The following YPEL3 variants were observed in gnomAD, a reference collection of about 807,000 sequenced individuals.
The protein encoded by YPEL3 is yippee like 3.
A neutral mutation model predicts 17.5 loss-of-function variants in YPEL3; 5 were observed. That is an observed-to-expected ratio of 0.29 (90% CI 0.15 to 0.60). The LOEUF (loss-of-function observed/expected upper bound fraction) is 0.60, where lower values mean the gene tolerates loss of function less well. Among genes scored for constraint, YPEL3 ranks in the 20% least tolerant of loss-of-function variants. YPEL3 has a pLI of 0.87. For synonymous variants in YPEL3, 87 were observed against 87.2 expected (o/e 1.00, Z 0.01); for missense variants, 155 against 211.4 (o/e 0.73, Z 1.65).
chr16:30,095,025 G>T lies in YPEL3; in HGVS notation c.275+78C>A. 6.2e-7 allele frequency: 1 copy of T among 1,605,390 alleles called. No homozygotes were observed. The highest frequency in any genetic ancestry group is 1.1e-5 in the South Asian group (1 of 90,750). On this transcript the variant is annotated intron_variant, in intron 2 of 3. Coordinates refer to ENST00000398841, the MANE Select transcript of YPEL3 (RefSeq NM_031477.5). The surrounding 1 kb of genome is among the most constrained non-coding windows in gnomAD (Gnocchi z 5.4). The stretch of plus-strand genomic sequence containing the variant: ...TTTCCTGCCTGCACCGGGGAACTCT[G>T]GGAGTCTCAGCAGGATGCCAGGGGT...
At position 30,094,819 on chromosome 16, in the gene YPEL3, C is replaced by G; in HGVS notation, c.354G>C (p.Glu118Asp). Residue 118 changes from glutamate (E) to aspartate (D), a missense_variant, in exon 3 of 4, where the codon GAG (glutamate) becomes GAC (aspartate). Physicochemically the swap from Glu to Asp is conservative, Grantham distance 45. This residue lies in a region of YPEL3 where 74 missense variants were observed against 134.9 expected (regional missense o/e 0.55). Coordinates refer to ENST00000398841, the MANE Select transcript of YPEL3 (RefSeq NM_031477.5). ...TCCAGCCCAAAGTGGTCTTGCAGTT[C>G]TCGCAGTGGATGTCGGCGACAGCAT... The part of the protein sequence containing the change: ...GLHAVADIHC[E>D]NCKTTLGWKY... 1 of 1,614,166 alleles carries G rather than the reference C, an allele frequency of 6.2e-7. No individual in the cohort carries two copies. Among genetic ancestry groups the G allele is most frequent in the East Asian group, 2.2e-5 (1 of 44,886 alleles).
At position 30,095,082 on chromosome 16, in the gene YPEL3, G is replaced by A; in HGVS notation, c.275+21C>T. 6.2e-7 allele frequency: 1 copy of A among 1,614,042 alleles called. No individual in the cohort carries two copies. The highest frequency in any genetic ancestry group is 8.5e-7 in the Non-Finnish European group (1 of 1,179,994). Reference sequence around the variant, plus strand: ...TCACAACAGAGGTCAGGGAAAGCAAGAAGGGAGGCCAGATACTCACACTGA... The same window carrying A: ...TCACAACAGAGGTCAGGGAAAGCAAAAAGGGAGGCCAGATACTCACACTGA... On this transcript the variant is annotated intron_variant, in intron 2 of 3. Transcript: ENST00000398841. This position sits in a 1 kb window ranked among gnomAD's most constrained non-coding sequence, Gnocchi z 5.4.
Position 30,095,325 on chromosome 16 carries a change from T to A in YPEL3, c.158A>T (p.Asp53Val). 1 of 1,614,164 alleles carries A rather than the reference T, an allele frequency of 6.2e-7. No individual in the cohort carries two copies. The highest frequency in any genetic ancestry group is 8.5e-7 in the Non-Finnish European group (1 of 1,180,018). ...ACAGCTATACCTCCGGTGACAATCA[T>A]CCAAGTAGGCCTGAAACGTCTTGGG... ...SKPKTFQAYL[D>V]DCHRRYSCAH... The change falls in exon 1 of 4, where the codon GAT (aspartate) becomes GTT (valine). Residue 53 changes from aspartate to valine, a missense_variant. Asp to Val is a radical substitution (Grantham distance 152, BLOSUM62 -3). This residue lies in a region of YPEL3 where 74 missense variants were observed against 134.9 expected (regional missense o/e 0.55). Coordinates refer to ENST00000398841, the MANE Select transcript of YPEL3 (RefSeq NM_031477.5). The surrounding 1 kb of genome is among the most constrained non-coding windows in gnomAD (Gnocchi z 5.4).
rs2072778290 is a variant in YPEL3 at position 30,095,128 on chromosome 16, CCT to C, written c.248_249del (p.Gln83ArgfsTer46). The stretch of plus-strand genomic sequence containing the variant: ...ACTGAGTTGAAGAGGTAGGCACGCC[CCT>C]GACTGCCCTGGAAGGACTAAAGGGT... The part of the protein sequence containing the change: ...DLISKSFQGS[Q>X]GRAYLFNSVV... On this transcript the variant is annotated frameshift_variant, in exon 2 of 4. Transcript: ENST00000398841. LOFTEE classifies it high-confidence loss of function. The surrounding 1 kb of genome is among the most constrained non-coding windows in gnomAD (Gnocchi z 5.4). The C allele has an allele frequency of 1.2e-6, 2 of 1,614,010 alleles. No individual in the cohort carries two copies. Among genetic ancestry groups the C allele is most frequent in the Non-Finnish European group, 1.7e-6 (2 of 1,180,026 alleles).
In YPEL3 at chr16:30,095,180, G is replaced by T; in HGVS notation, c.232-34C>A. On this transcript the variant is annotated intron_variant, in intron 1 of 3. Transcript: ENST00000398841. This position sits in a 1 kb window ranked among gnomAD's most constrained non-coding sequence, Gnocchi z 5.4. ...TGAGAGGGTGGGAAGAGAGGAGGGG[G>T]TCAGGGCTGCCGGTGGGGAGCTGCC... 1.2e-6 allele frequency: 2 copies of T among 1,614,090 alleles called. No homozygotes were observed. The highest frequency in any genetic ancestry group is 1.7e-6 in the Non-Finnish European group (2 of 1,179,960).
chr16:30,094,714 GGTGA>G (rs2072774341), intron 3 of YPEL3, 71 bp downstream of exon 3: 1 of 1,348,284 alleles, frequency 7.4e-7, no homozygotes, highest in Non-Finnish European at 1.1e-6. Flanking sequence ...AAGGCTATAG[GGTGA>G]CAGCTTGTCA....
chr16:30,093,386 G>A (rs1389089462), intron 3 of YPEL3, among the ~76,000 whole-genome samples: 3 of 152,132 alleles, frequency 2.0e-5, no homozygotes, highest in East Asian at 1.9e-4. Flanking sequence ...CCTTGGCCCC[G>A]AGTAGCTGGG....
In YPEL3 at chr16:30,095,661, C is replaced by G. The variant is rs117527829; in HGVS notation, c.-179G>C. 1 of 559,812 alleles carries G rather than the reference C, an allele frequency of 1.8e-6. No individual in the cohort carries two copies. Among genetic ancestry groups the G allele is most frequent in the Non-Finnish European group, 3.1e-6 (1 of 324,804 alleles). 34.7% of individuals were successfully genotyped at this position (559,812 alleles called of 1,614,324 possible). A position where few individuals can be genotyped will look rare whatever the true frequency, so the allele number is the denominator to read the frequency against. ...GGAGGTGCCCAGGGTGAGTCACCCG[C>G]CTGCTTCCGGCCTCACCCTTGCTGA... is the stretch of plus-strand genomic sequence containing the variant. On this transcript the variant is annotated 5_prime_UTR_variant, in exon 1 of 4. Coordinates refer to ENST00000398841, the MANE Select transcript of YPEL3 (RefSeq NM_031477.5). This position sits in a 1 kb window ranked among gnomAD's most constrained non-coding sequence, Gnocchi z 5.4.
chr16:30,093,689 GC>G (rs1324421099), intron 3 of YPEL3: 1 of 149,106 alleles, frequency 6.7e-6, no homozygotes, highest in Non-Finnish European at 1.5e-5. Flanking sequence ...CAATTCTCCT[GC>G]CTCAACCTCA....
At chr16:30,094,238 G>T (rs2072769552) in intron 3 of YPEL3, 1 of 163,452 alleles carries the variant, frequency 6.1e-6, no homozygotes, top group South Asian at 1.3e-4. Context: ...AAGGGAGGCT[G>T]GTGAACCCAA....
chr16:30,092,551 C>T lies in YPEL3; in HGVS notation c.*159G>A. The T allele has an allele frequency of 4.8e-6, 3 of 626,606 alleles. No homozygotes were observed. The highest frequency in any genetic ancestry group is 8.2e-6 in the Non-Finnish European group (3 of 365,920). The allele number at this position is 626,606 out of a possible 1,614,324, so 38.8% of individuals were successfully genotyped here. A position where few individuals can be genotyped will look rare whatever the true frequency, so the allele number is the denominator to read the frequency against. On this transcript the variant is annotated 3_prime_UTR_variant, in exon 4 of 4. Coordinates refer to ENST00000398841, the MANE Select transcript of YPEL3 (RefSeq NM_031477.5). ...GCGTCGTCCCCCTTCTGTTCTCCCC[C>T]CAAGGTCACAGTGCATGCAATAAAA...
At position 30,095,593 on chromosome 16, in the gene YPEL3, A is replaced by T. The variant is rs1596862758; in HGVS notation, c.-111T>A. 1 of 969,198 alleles carries T rather than the reference A, an allele frequency of 1.0e-6. No homozygotes were observed. The highest frequency in any genetic ancestry group is 2.7e-5 in the East Asian group (1 of 37,598). 60.0% of individuals were successfully genotyped at this position (969,198 alleles called of 1,614,324 possible). On this transcript the variant is annotated 5_prime_UTR_variant, in exon 1 of 4. Transcript: ENST00000398841. This position sits in a 1 kb window ranked among gnomAD's most constrained non-coding sequence, Gnocchi z 5.4. ...ACCAGAGGCGTCTCGGTTTTGACTC[A>T]GTGAGGAGGCCTCAGGTTGCATCCA...
intron 3 of YPEL3, 24 bp downstream of exon 3, chr16:30,094,765 T>C: frequency 3.1e-6 from 5 of 1,609,254 alleles, no homozygotes; most frequent in Non-Finnish European, 4.3e-6. Context: ...AAGGCTAGCC[T>C]GGGGTCAGAG....
chr16:30,096,088 G>A lies in YPEL3; in HGVS notation c.-606C>T, dbSNP rs1449118551. 1 of 149,914 alleles carries A rather than the reference G, an allele frequency of 6.7e-6. No homozygotes were observed. The highest frequency in any genetic ancestry group is 6.6e-5 in the Admixed American group (1 of 15,100). The allele number at this position is 149,914 out of a possible 1,614,324, so 9.3% of individuals were successfully genotyped here. A position where few individuals can be genotyped will look rare whatever the true frequency, so the allele number is the denominator to read the frequency against. ...GGGCGACACGCAGCCCTGACGGCGC[G>A]GGCCTCACCTCGCCTGGGCGCGCGG... On this transcript the variant is annotated 5_prime_UTR_variant, in exon 1 of 4. Coordinates refer to ENST00000398841, the MANE Select transcript of YPEL3 (RefSeq NM_031477.5).
At position 30,092,609 on chromosome 16, in the gene YPEL3, G is replaced by A; in HGVS notation, c.*101C>T. ...ACAGGAGCTAGATCCGTCCTCTGCA[G>A]GGGCTCTGAGGGTCCAGAGCTCCCT... On this transcript the variant is annotated 3_prime_UTR_variant, in exon 4 of 4. Transcript: ENST00000398841. The A allele has an allele frequency of 3.8e-6, 4 of 1,057,960 alleles. No homozygotes were observed. In the South Asian group the frequency reaches 5.2e-5, roughly 14 times the overall value. 65.5% of individuals were successfully genotyped at this position (1,057,960 alleles called of 1,614,324 possible).
At chr16:30,094,611 TAAGAG>T (rs1418863533) in intron 3 of YPEL3, 173 bp downstream of exon 3, 3 of 653,664 alleles carry the variant, frequency 4.6e-6, no homozygotes, top group Non-Finnish European at 5.5e-6. Context: ...AGGGATGGGT[TAAGAG>T]AAAAGTTCTA....
At position 30,095,162 on chromosome 16, in the gene YPEL3, G is replaced by A. The variant is rs201542395; in HGVS notation, c.232-16C>T. On this transcript the variant is annotated splice_polypyrimidine_tract_variant and intron_variant, in intron 1 of 3. Transcript: ENST00000398841. This position sits in a 1 kb window ranked among gnomAD's most constrained non-coding sequence, Gnocchi z 5.4. The stretch of plus-strand genomic sequence containing the variant: ...CCTGGAAGGACTAAAGGGTGAGAGG[G>A]TGGGAAGAGAGGAGGGGGTCAGGGC... 19 of 1,614,066 alleles carry A rather than the reference G, an allele frequency of 1.2e-5. No individual in the cohort carries two copies. In the South Asian group the frequency reaches 1.3e-4, roughly 11 times the overall value.
In YPEL3 at chr16:30,095,288, G is replaced by A. The variant is rs778066931; in HGVS notation, c.195C>T (p.Arg65=). The change falls in exon 1 of 4, where the codon CGC becomes CGT. Residue 65 remains arginine (R), a synonymous_variant. Coordinates refer to ENST00000398841, the MANE Select transcript of YPEL3 (RefSeq NM_031477.5). The surrounding 1 kb of genome is among the most constrained non-coding windows in gnomAD (Gnocchi z 5.4). The part of the protein sequence containing the change: ...CHRRYSCAHC[R]AHLANHDDLI... ...GGTCGTCGTGGTTGGCCAGGTGAGC[G>A]CGGCAGTGGGCACAGCTATACCTCC... 28 of 1,614,086 alleles carry A rather than the reference G, an allele frequency of 1.7e-5. No homozygotes were observed. The highest frequency in any genetic ancestry group is 2.2e-5 in the Non-Finnish European group (26 of 1,180,040).
rs972148798 is a variant in YPEL3, at chr16:30,092,644, G to A, written c.*66C>T. ...GGGTCCAGAGCTCCCTTCGGGTGGCGGGAAGCCAGTGGCGCTCCCTGGCGG... is the reference window on the plus strand; with the variant it reads ...GGGTCCAGAGCTCCCTTCGGGTGGCAGGAAGCCAGTGGCGCTCCCTGGCGG... On this transcript the variant is annotated 3_prime_UTR_variant, in exon 4 of 4. Coordinates refer to ENST00000398841, the MANE Select transcript of YPEL3 (RefSeq NM_031477.5). 11 of 1,506,808 alleles carry A rather than the reference G, an allele frequency of 7.3e-6. No homozygotes were observed. The highest frequency in any genetic ancestry group is 5.0e-5 in the Admixed American group (3 of 59,650). 93.3% of individuals were successfully genotyped at this position (1,506,808 alleles called of 1,614,324 possible). A position where few individuals can be genotyped will look rare whatever the true frequency, so the allele number is the denominator to read the frequency against.
Sources: allele counts gnomAD v4.1 joint callset (sites outside exome capture counted in the v4.1 genomes callset), GRCh38; gene constraint gnomAD v4.1.1; regional missense constraint gnomAD v4.1.1; non-coding constraint Gnocchi (gnomAD v3.1); transcripts MANE v1.5; gene names NCBI Gene and HGNC (gene_info 2026-07-23, HGNC 2026-07-21).